The following FMN1 variants were observed in gnomAD, a reference collection of about 807,000 sequenced individuals.
FMN1 encodes formin-1.
Under a neutral mutation model 132.4 loss-of-function variants are expected in FMN1, and 110 were observed. The ratio of observed to expected loss-of-function variants is 0.83; its 90% CI spans 0.71 to 0.97. The LOEUF (loss-of-function observed/expected upper bound fraction) is 0.97, where lower values mean the gene tolerates loss of function less well. Among genes scored for constraint, FMN1 ranks in the 50% least tolerant of loss-of-function variants. The pLI is 0.00. For missense variants in FMN1, 1,792 were observed against 1,705.3 expected, an observed-to-expected ratio of 1.05 and a Z score of -0.90; for synonymous variants, 722 against 651.7, an observed-to-expected ratio of 1.11 and a Z score of -1.64.
chr15:32,816,545 G>C (rs1358622454), intron 17 of FMN1, among the ~76,000 whole-genome samples: 2 of 152,172 alleles, frequency 1.3e-5, no homozygotes, highest in Non-Finnish European at 2.9e-5. Context: ...AACAGATGCT[G>C]TTTGGAGGCA....
chr15:33,139,376 C>T (rs1180229227), intron 4 of FMN1, among the ~76,000 whole-genome samples: 1 of 152,178 alleles, frequency 6.6e-6, no homozygotes, highest in Non-Finnish European at 1.5e-5. Context: ...GCGGGCGGAT[C>T]ACAAGGTCAG....
At chr15:33,000,175 C>T (rs753938687) in intron 7 of FMN1, among the ~76,000 whole-genome samples, 2 of 152,158 alleles carry the variant, frequency 1.3e-5, no homozygotes, top group African/African-American at 4.8e-5. Flanking sequence ...AGTGGCTGGA[C>T]GTGATGGCTC....
rs1166708338 is a variant in FMN1, at chr15:32,772,709, TTC to T, written c.*1599_*1600del. On this transcript the variant is annotated 3_prime_UTR_variant, in exon 21 of 21. Coordinates refer to ENST00000616417, the MANE Select transcript of FMN1 (RefSeq NM_001277313.2). The stretch of plus-strand genomic sequence containing the variant: ...CGGTTAGCACCTGCATGAATATGGC[TTC>T]TGTGACTTGATTTGATCCTGACTGC... 2 of 152,260 alleles carry T rather than the reference TTC, an allele frequency of 1.3e-5. No homozygotes were observed. Among genetic ancestry groups the T allele is most frequent in the African/African-American group, 4.8e-5 (2 of 41,464 alleles). The allele number at this position is 152,260 out of a possible 1,614,324, so 9.4% of individuals were successfully genotyped here. A position where few individuals can be genotyped will look rare whatever the true frequency, so the allele number is the denominator to read the frequency against.
At chr15:33,117,875 C>T (rs1175876859) in intron 4 of FMN1, among the ~76,000 whole-genome samples, 1 of 152,154 alleles carries the variant, frequency 6.6e-6, no homozygotes, top group Admixed American at 6.6e-5. Context: ...TCAGATTGAC[C>T]TCGCATTCAA....
chr15:33,179,544 C>T lies in FMN1; in HGVS notation c.-132+654G>A, dbSNP rs139296947. Among the ~76,000 whole-genome samples the T allele has an allele frequency of 8.7e-3, 1,323 of 152,320 alleles. 64 individuals carry two copies. Among genetic ancestry groups the T allele is most frequent in the Admixed American group, 0.081 (1,232 of 15,294 alleles). ...AAAATAGTGCCTACGGCCACCGTCA[C>T]TGTTGAGTCCCTTTCCCTGAGGCAT... On this transcript the variant is annotated intron_variant, in intron 3 of 20. Transcript: ENST00000616417.
At chr15:33,077,369 ATT>A (rs71117104) in intron 5 of FMN1, among the ~76,000 whole-genome samples, 81,060 of 140,076 alleles carry the variant, frequency 0.58, 24,159 homozygotes, top group East Asian at 0.81. Context: ...ATATATATAT[ATT>A]TTTTTTATTA....
chr15:33,077,373 T>A (rs1427307505), intron 5 of FMN1, among the ~76,000 whole-genome samples: 139 of 148,488 alleles, frequency 9.4e-4, no homozygotes, highest in Non-Finnish European at 1.5e-3. Flanking sequence ...ATATATATTT[T>A]TTTTATTATA....
chr15:32,937,770 C>T (rs1213023096), intron 9 of FMN1, among the ~76,000 whole-genome samples: 1 of 152,102 alleles, frequency 6.6e-6, no homozygotes, highest in Non-Finnish European at 1.5e-5. Context: ...AATTGGAGGA[C>T]AGTACCAAAC....
intron 5 of FMN1, among the ~76,000 whole-genome samples, chr15:33,087,101 GA>G (rs2038725329): frequency 6.6e-6 from 1 of 152,214 alleles, no homozygotes; most frequent in Non-Finnish European, 1.5e-5. Flanking sequence ...TCTGTGACAG[GA>G]AACTGGATGG....
At chr15:33,112,110 AG>A (rs1156958103) in intron 4 of FMN1, among the ~76,000 whole-genome samples, 3 of 152,184 alleles carry the variant, frequency 2.0e-5, no homozygotes, top group Non-Finnish European at 4.4e-5. Flanking sequence ...ATATAAATAA[AG>A]ATTTTAACCA....
At chr15:33,074,402 T>C (rs904484953) in intron 5 of FMN1, among the ~76,000 whole-genome samples, 68 of 152,222 alleles carry the variant, frequency 4.5e-4, no homozygotes, top group Admixed American at 1.2e-3. Context: ...ACAGCCTCTC[T>C]GGGTCATCCC....
At chr15:33,128,790 G>T (rs75393587) in intron 4 of FMN1, among the ~76,000 whole-genome samples, 2,165 of 152,350 alleles carry the variant, frequency 0.014, 54 homozygotes, top group African/African-American at 0.05. Context: ...ACGGTGAGCA[G>T]CAGCAAGATT....
At chr15:33,033,222 G>T (rs2036026125) in intron 6 of FMN1, among the ~76,000 whole-genome samples, 1 of 152,070 alleles carries the variant, frequency 6.6e-6, no homozygotes, top group Non-Finnish European at 1.5e-5. Flanking sequence ...AGTAGAGACG[G>T]GGTTTCACCG....
At chr15:33,107,210 C>T (rs1330518881) in intron 4 of FMN1, among the ~76,000 whole-genome samples, 1 of 151,932 alleles carries the variant, frequency 6.6e-6, no homozygotes, top group Non-Finnish European at 1.5e-5. Flanking sequence ...CAAACAGTAT[C>T]CCAAATCTGA....
intron 17 of FMN1, among the ~76,000 whole-genome samples, chr15:32,811,933 GC>G (rs1290103295): frequency 6.6e-6 from 1 of 152,140 alleles, no homozygotes; most frequent in Non-Finnish European, 1.5e-5. Context: ...ACAAGCATGA[GC>G]CACCACACCC....
chr15:32,928,612 T>C (rs1256918343), intron 9 of FMN1, among the ~76,000 whole-genome samples: 1 of 152,158 alleles, frequency 6.6e-6, no homozygotes, highest in Non-Finnish European at 1.5e-5. Context: ...CTAAACTAAC[T>C]GGAGTGCAAA....
intron 9 of FMN1, among the ~76,000 whole-genome samples, chr15:32,954,473 A>G (rs2061720156): frequency 6.6e-6 from 1 of 152,250 alleles, no homozygotes; most frequent in African/African-American, 2.4e-5. Context: ...TGGAATTCAT[A>G]TAATTAAAGT....
chr15:33,153,772 A>G lies in FMN1; in HGVS notation c.1143T>C (p.His381=), dbSNP rs1964550008. 1 of 1,536,328 alleles carries G rather than the reference A, an allele frequency of 6.5e-7. No individual in the cohort carries two copies. The highest frequency in any genetic ancestry group is 8.7e-7 in the Non-Finnish European group (1 of 1,146,950). The change falls in exon 4 of 21, where the codon CAT becomes CAC. Residue 381 remains histidine (H), a synonymous_variant. Transcript: ENST00000616417. ...GCTCCTTGCCCTGCCGCCTGGAGCC[A>G]TGAGCCCCAGCCTCAGCTCCCGGGA... The part of the protein sequence containing the change: ...LTLPGAEAGA[H]GSRRQGKERQ...
chr15:33,062,836 A>AT (rs999582413), intron 6 of FMN1: 1 of 152,128 alleles, frequency 6.6e-6, no homozygotes, highest in Non-Finnish European at 1.5e-5. Context: ...CTTATGAGAG[A>AT]TTTTCTGAGA....
Sources: gnomAD v4.1 joint callset for allele counts (sites outside exome capture counted in the v4.1 genomes callset) on GRCh38, gnomAD v4.1.1 for gene constraint, MANE v1.5 for transcripts, NCBI Gene and HGNC (gene_info 2026-07-23, HGNC 2026-07-21) for gene names.